Variants in NRXN3 observed in about 807,000 individuals in gnomAD.
NRXN3 encodes neurexin III.
NRXN3 carries 32 observed loss-of-function variants against 137.6 expected under a neutral mutation model. That is an observed-to-expected ratio of 0.23 (90% CI 0.18 to 0.31). The LOEUF is 0.31. NRXN3 is among the 10% of genes least tolerant of loss of function. NRXN3 has a pLI of 1.00. For synonymous variants in NRXN3, 798 were observed against 784.5 expected (o/e 1.02, Z -0.29); for missense variants, 1,574 against 2,062.5 (o/e 0.76, Z 4.59).
intron 8 of NRXN3, among the ~76,000 whole-genome samples, chr14:78,722,894 G>C (rs1351283064): frequency 6.6e-6 from 1 of 152,110 alleles, no homozygotes. Context: ...CTAGAGCTGA[G>C]GCTTGGTGGA....
chr14:78,500,732 A>G (rs530185848), intron 4 of NRXN3, among the ~76,000 whole-genome samples: 1 of 152,066 alleles, frequency 6.6e-6, no homozygotes, highest in Non-Finnish European at 1.5e-5. Flanking sequence ...CTCCCTTATA[A>G]TTATTTTCAT....
At position 79,488,055 on chromosome 14, in the gene NRXN3, C is replaced by A. The variant is rs965013164; in HGVS notation, c.3444+20653C>A. Among the ~76,000 whole-genome samples the A allele has an allele frequency of 2.6e-5, 4 of 152,102 alleles. No individual in the cohort carries two copies. In the South Asian group the frequency reaches 8.3e-4, roughly 32 times the overall value. ...GATACTTCACTGATCATAAGCAGGC[C>A]CCCGAGCACCAAGGGCTAGCAGCTG... On this transcript the variant is annotated intron_variant, in intron 16 of 20. Transcript: ENST00000335750.
chr14:79,663,766 T>C lies in NRXN3; in HGVS notation c.3445-12T>C. On this transcript the variant is annotated splice_polypyrimidine_tract_variant and intron_variant, in intron 16 of 20. Transcript: ENST00000335750. The stretch of plus-strand genomic sequence containing the variant: ...TGGTGATAACTATGCCTTTTGTGTT[T>C]CTTTATTATAGGAACAGGGGAAAAT... The C allele has an allele frequency of 6.2e-7, 1 of 1,610,316 alleles. No homozygotes were observed. The highest frequency in any genetic ancestry group is 1.3e-5 in the African/African-American group (1 of 74,902).
chr14:79,242,256 C>T (rs747607569), intron 15 of NRXN3, among the ~76,000 whole-genome samples: 3 of 152,044 alleles, frequency 2.0e-5, no homozygotes, highest in Non-Finnish European at 4.4e-5. Flanking sequence ...GGATTCTATA[C>T]TCATGGAGAG....
chr14:79,027,119 A>G (rs1293565881), intron 15 of NRXN3, among the ~76,000 whole-genome samples: 1 of 150,012 alleles, frequency 6.7e-6, no homozygotes, highest in Non-Finnish European at 1.5e-5. Flanking sequence ...ACAGAAGCCT[A>G]TATCTGTAGA....
intron 4 of NRXN3, among the ~76,000 whole-genome samples, chr14:78,539,629 AC>A (rs1285628024): frequency 6.6e-6 from 1 of 151,902 alleles, no homozygotes; most frequent in Non-Finnish European, 1.5e-5. Context: ...CCCTGATCTT[AC>A]TTATCTCTTG....
chr14:78,243,193 C>T lies in NRXN3; in HGVS notation c.100C>T (p.Pro34Ser). 1 of 1,545,108 alleles carries T rather than the reference C, an allele frequency of 6.5e-7. No individual in the cohort carries two copies. Among genetic ancestry groups the T allele is most frequent in the East Asian group, 2.4e-5 (1 of 41,460 alleles). The change falls in exon 2 of 21, where the codon CCC becomes TCC. Residue 34 changes from proline (P) to serine (S), a missense_variant. This residue lies in a region of NRXN3 where 400 missense variants were observed against 527.3 expected (regional missense o/e 0.76). Coordinates refer to ENST00000335750, the MANE Select transcript of NRXN3 (RefSeq NM_001330195.2). The surrounding 1 kb of genome is among the most constrained non-coding windows in gnomAD (Gnocchi z 4.2). ...LCLGLEFMGL[P>S]NQWARYLRWD... ...CCTGGGCCTTGAGTTCATGGGCCTCCCCAACCAGTGGGCCCGCTACCTCCG... is the reference window on the plus strand; with the variant it reads ...CCTGGGCCTTGAGTTCATGGGCCTCTCCAACCAGTGGGCCCGCTACCTCCG...
At chr14:78,926,648 A>AAT (rs1491105897) in intron 10 of NRXN3, among the ~76,000 whole-genome samples, 1 of 95,800 alleles carries the variant, frequency 1.0e-5, no homozygotes, top group Non-Finnish European at 2.0e-5. Flanking sequence ...ATTTATATAT[A>AAT]ATATATATAT....
At chr14:78,218,221 G>A (rs1183923215) in intron 1 of NRXN3, among the ~76,000 whole-genome samples, 1 of 152,108 alleles carries the variant, frequency 6.6e-6, no homozygotes, top group Non-Finnish European at 1.5e-5. Flanking sequence ...CCTAGGCGTG[G>A]TGGCGCACAC....
At chr14:78,956,226 C>T (rs1016984930) in intron 10 of NRXN3, among the ~76,000 whole-genome samples, 1 of 152,180 alleles carries the variant, frequency 6.6e-6, no homozygotes, top group Non-Finnish European at 1.5e-5. Flanking sequence ...TATCCTCCTA[C>T]AAAGAGCAAA....
chr14:78,279,714 A>G (rs950173928), intron 3 of NRXN3: 6 of 152,192 alleles, frequency 3.9e-5, no homozygotes, highest in African/African-American at 1.4e-4. Context: ...CCTGTAAGTG[A>G]AAATTCTCAG....
chr14:79,641,517 C>A (rs1177615557), intron 16 of NRXN3, among the ~76,000 whole-genome samples: 1 of 135,710 alleles, frequency 7.4e-6, no homozygotes, highest in African/African-American at 2.5e-5. Context: ...TACAGGCCTG[C>A]AGGTTGACTG....
chr14:79,658,861 A>C (rs2098519164), intron 16 of NRXN3, among the ~76,000 whole-genome samples: 1 of 152,142 alleles, frequency 6.6e-6, no homozygotes, highest in Non-Finnish European at 1.5e-5. Context: ...TGAAAATCCC[A>C]GTTCTGTTTC....
chr14:78,603,131 C>T (rs1007151191), intron 4 of NRXN3, among the ~76,000 whole-genome samples: 2 of 152,064 alleles, frequency 1.3e-5, no homozygotes, highest in African/African-American at 4.8e-5. Context: ...AGCAGCGTGT[C>T]CCCTGCCCAG....
intron 4 of NRXN3, among the ~76,000 whole-genome samples, chr14:78,564,127 GA>G (rs894715830): frequency 1.6e-4 from 24 of 152,168 alleles, no homozygotes; most frequent in East Asian, 5.8e-4. Flanking sequence ...TACTTAGGGG[GA>G]AAAAATCCTA....
chr14:79,472,037 A>G (rs983427569), intron 16 of NRXN3, among the ~76,000 whole-genome samples: 3 of 151,830 alleles, frequency 2.0e-5, no homozygotes, highest in Non-Finnish European at 2.9e-5. Context: ...GTTCTCCTCT[A>G]TGTGTCCATG....
At chr14:79,683,300 T>C (rs1458024271) in intron 17 of NRXN3, among the ~76,000 whole-genome samples, 1 of 152,128 alleles carries the variant, frequency 6.6e-6, no homozygotes, top group Non-Finnish European at 1.5e-5. Flanking sequence ...TAAAAAAGAA[T>C]ATGGTGATGG....
At chr14:79,130,218 A>G (rs1384254427) in intron 15 of NRXN3, among the ~76,000 whole-genome samples, 1 of 151,094 alleles carries the variant, frequency 6.6e-6, no homozygotes. Context: ...TGATCCTGTC[A>G]TTATGATGTT....
chr14:78,464,632 A>G (rs1011944621), intron 4 of NRXN3, among the ~76,000 whole-genome samples: 1 of 152,232 alleles, frequency 6.6e-6, no homozygotes, highest in Non-Finnish European at 1.5e-5. Flanking sequence ...TATAAAAGCA[A>G]TTTGTATACA....
Sources: gnomAD v4.1 joint callset for allele counts (sites outside exome capture counted in the v4.1 genomes callset) on GRCh38, gnomAD v4.1.1 for gene constraint, gnomAD v4.1.1 regional missense constraint, Gnocchi (gnomAD v3.1) non-coding constraint, MANE v1.5 for transcripts, NCBI Gene and HGNC (gene_info 2026-07-23, HGNC 2026-07-21) for gene names.